INPP5A: variants seen among roughly 807,000 people sequenced by gnomAD.
INPP5A encodes 43 kDa inositol polyphosphate 5-phophatase.
INPP5A carries 14 observed loss-of-function variants against 65.2 expected under a neutral mutation model. The observed-to-expected ratio is 0.21, with a 90% CI of 0.14 to 0.34. The LOEUF is 0.34. Ranked by LOEUF, INPP5A falls within the 10% of genes least tolerant of loss-of-function variation. The pLI is 1.00. For missense variants in INPP5A, 431 were observed against 545.6 expected, an observed-to-expected ratio of 0.79 and a Z score of 2.09; for synonymous variants, 207 against 208.3, an observed-to-expected ratio of 0.99 and a Z score of 0.05.
chr10:132,564,605 T>C (rs990143203), intron 1 of INPP5A, among the ~76,000 whole-genome samples: 4 of 152,214 alleles, frequency 2.6e-5, no homozygotes, highest in Admixed American at 1.3e-4. Context: ...AGTAGAAGTT[T>C]ATATAACAAG....
At chr10:132,605,658 G>A (rs995545788) in intron 1 of INPP5A, among the ~76,000 whole-genome samples, 1 of 152,078 alleles carries the variant, frequency 6.6e-6, no homozygotes, top group South Asian at 2.1e-4. Context: ...ACGCAGCAGC[G>A]CCACGCGGGC....
At chr10:132,752,722 A>C (rs1047996917) in intron 11 of INPP5A, among the ~76,000 whole-genome samples, 1 of 148,834 alleles carries the variant, frequency 6.7e-6, no homozygotes, top group African/African-American at 2.5e-5. Context: ...GCGGTGCGGC[A>C]TGGAGGGGTG....
chr10:132,687,901 C>T lies in INPP5A; in HGVS notation c.307-2491C>T, dbSNP rs192949086. Among the ~76,000 whole-genome samples the T allele has an allele frequency of 1.4e-4, 22 of 152,348 alleles. No individual in the cohort carries two copies. In the East Asian group the frequency reaches 2.7e-3, roughly 19 times the overall value. On this transcript the variant is annotated intron_variant, in intron 4 of 15. Transcript: ENST00000368594. ...GTGCACAGGACTCAGGCTTGCCAGC[C>T]GGCCTCTCTTTTTAGGAGTTTAAAT...
chr10:132,601,829 A>G (rs1429908585), intron 1 of INPP5A, among the ~76,000 whole-genome samples: 1 of 151,988 alleles, frequency 6.6e-6, no homozygotes, highest in East Asian at 1.9e-4. Flanking sequence ...CCATTGGTCC[A>G]CATGTCTGTC....
chr10:132,640,123 A>G (rs1238796369), intron 2 of INPP5A, among the ~76,000 whole-genome samples: 1 of 152,200 alleles, frequency 6.6e-6, no homozygotes, highest in Admixed American at 6.5e-5. Context: ...CCGATAACTC[A>G]GGGTTGTGTC....
At position 132,705,919 on chromosome 10, in the gene INPP5A, T is replaced by A. The variant is rs890480838; in HGVS notation, c.475-2394T>A. ...GACGAGCAGACACCAGAATACAGAC[T>A]CACCCCAAATAAAGTTGATTTCTTG... is the stretch of plus-strand genomic sequence containing the variant. On this transcript the variant is annotated intron_variant, in intron 6 of 15. Transcript: ENST00000368594. This position sits in a 1 kb window ranked among gnomAD's most constrained non-coding sequence, Gnocchi z 4.9. Among the ~76,000 whole-genome samples the A allele has an allele frequency of 3.9e-5, 6 of 152,204 alleles. No homozygotes were observed. Among genetic ancestry groups the A allele is most frequent in the African/African-American group, 1.4e-4 (6 of 41,440 alleles).
At chr10:132,742,322 A>G (rs1846289724) in intron 9 of INPP5A, among the ~76,000 whole-genome samples, 1 of 152,206 alleles carries the variant, frequency 6.6e-6, no homozygotes, top group Admixed American at 6.5e-5. Context: ...TGCAGGAGGA[A>G]GCCTTCGCAC....
rs2072961720 is a variant in INPP5A, at chr10:132,676,106, A to G, written c.307-14286A>G. 6.6e-6 allele frequency among the ~76,000 whole-genome samples: 1 copy of G among 152,244 alleles called. No homozygotes were observed. Among genetic ancestry groups the G allele is most frequent in the Non-Finnish European group, 1.5e-5 (1 of 68,032 alleles). On this transcript the variant is annotated intron_variant, in intron 4 of 15. Coordinates refer to ENST00000368594, the MANE Select transcript of INPP5A (RefSeq NM_005539.5). The surrounding 1 kb of genome is among the most constrained non-coding windows in gnomAD (Gnocchi z 4.0). ...GTAGAAAAATATAACAAATTTCATA[A>G]TTAAAACTAGTTATTTTAAGACTGA...
intron 1 of INPP5A, among the ~76,000 whole-genome samples, chr10:132,548,194 C>A (rs1251208649): frequency 6.6e-6 from 1 of 151,822 alleles, no homozygotes; most frequent in Admixed American, 6.6e-5. Flanking sequence ...TGTCTTTATT[C>A]GGGTTCTGCT....
intron 1 of INPP5A, among the ~76,000 whole-genome samples, chr10:132,567,003 A>G (rs371005640): frequency 6.6e-6 from 1 of 152,236 alleles, no homozygotes; most frequent in East Asian, 1.9e-4. Flanking sequence ...CTGATCTCTC[A>G]GGAGGCACAG....
chr10:132,718,451 C>A, intron 8 of INPP5A, among the ~76,000 whole-genome samples: 1 of 145,870 alleles, frequency 6.9e-6, no homozygotes, highest in African/African-American at 2.6e-5. Flanking sequence ...GCGCCTTAGA[C>A]GGCTGTCTTC....
intron 13 of INPP5A, among the ~76,000 whole-genome samples, chr10:132,778,766 C>T (rs536058227): frequency 1.3e-5 from 2 of 152,280 alleles, no homozygotes; most frequent in East Asian, 3.9e-4. Context: ...CTACTAACCC[C>T]GACTTCAACA....
chr10:132,606,881 C>T (rs370987080), intron 1 of INPP5A, among the ~76,000 whole-genome samples: 18 of 152,312 alleles, frequency 1.2e-4, no homozygotes, highest in South Asian at 4.1e-4. Flanking sequence ...TAACCGTTTC[C>T]GAGTGTGCAG....
intron 11 of INPP5A, among the ~76,000 whole-genome samples, chr10:132,764,827 T>C (rs1309107931): frequency 3.9e-4 from 41 of 103,936 alleles, no homozygotes; most frequent in Admixed American, 4.2e-4. Context: ...AGAGGGTGTG[T>C]GTGGTGACAC....
At chr10:132,770,059 C>T (rs978053547) in intron 12 of INPP5A, among the ~76,000 whole-genome samples, 3 of 152,226 alleles carry the variant, frequency 2.0e-5, no homozygotes, top group African/African-American at 4.8e-5. Context: ...TCTCACGAAA[C>T]CCCATGTAGA....
intron 1 of INPP5A, among the ~76,000 whole-genome samples, chr10:132,569,740 G>A (rs1195381714): frequency 6.6e-6 from 1 of 151,164 alleles, no homozygotes; most frequent in Admixed American, 6.6e-5. Context: ...CTGACCTCAG[G>A]TGATCCACTC....
At chr10:132,716,410 CAT>C (rs1269461327) in intron 8 of INPP5A, among the ~76,000 whole-genome samples, 8 of 152,248 alleles carry the variant, frequency 5.3e-5, no homozygotes, top group African/African-American at 1.7e-4. Flanking sequence ...TGTCTTTACA[CAT>C]GTCATCGCCT....
chr10:132,588,052 T>C (rs1407482464), intron 1 of INPP5A, among the ~76,000 whole-genome samples: 2 of 150,368 alleles, frequency 1.3e-5, no homozygotes, highest in Admixed American at 1.3e-4. Context: ...TCCTCTCTAA[T>C]GATAAGTTGT....
At chr10:132,724,511 C>T (rs1344059201) in intron 8 of INPP5A, among the ~76,000 whole-genome samples, 53 of 152,214 alleles carry the variant, frequency 3.5e-4, no homozygotes, top group Admixed American at 3.3e-3. Context: ...ACAGGCAAAA[C>T]GGAAAGGCCA....
Sources: allele counts gnomAD v4.1 joint callset (sites outside exome capture counted in the v4.1 genomes callset), GRCh38; gene constraint gnomAD v4.1.1; non-coding constraint Gnocchi (gnomAD v3.1); transcripts MANE v1.5; gene names NCBI Gene and HGNC (gene_info 2026-07-23, HGNC 2026-07-21).